The following RNF126 variants were observed in gnomAD, a reference collection of about 807,000 sequenced individuals.
RNF126 encodes ring finger protein 126, also known as E3 ubiquitin-protein ligase RNF126.
In RNF126, 20 loss-of-function variants were observed where a neutral mutation model predicts 41.9. The observed-to-expected ratio is 0.48, with a 90% CI of 0.34 to 0.69. The LOEUF is 0.69. RNF126 is among the 30% of genes least tolerant of loss of function. The pLI is 0.01. For synonymous variants in RNF126, 239 were observed against 202.9 expected (o/e 1.18, Z -1.51); for missense variants, 433 against 460.6 (o/e 0.94, Z 0.55).
chr19:655,696 C>T (rs984774049), intron 1 of RNF126, among the ~76,000 whole-genome samples: 9 of 152,224 alleles, frequency 5.9e-5, no homozygotes, highest in Admixed American at 1.3e-4. Flanking sequence ...TCACTCCAGG[C>T]GCAGACCCCA....
At chr19:649,838 A>G (rs1469018914) in intron 5 of RNF126, 90 bp from the exon 6 acceptor site, 1 of 1,031,670 alleles carries the variant, frequency 9.7e-7, no homozygotes, top group Non-Finnish European at 1.5e-6. Flanking sequence ...CAGGCTGGGG[A>G]TGGGGACAGG....
intron 6 of RNF126, 78 bp downstream of exon 6, chr19:649,601 C>T: frequency 8.3e-7 from 1 of 1,210,116 alleles, no homozygotes; most frequent in Non-Finnish European, 1.2e-6. Flanking sequence ...TTCGTGGGTC[C>T]AGGCAGTGGG....
intron 2 of RNF126, 99 bp downstream of exon 2, chr19:652,727 C>G (rs1481265366): frequency 9.1e-7 from 1 of 1,094,118 alleles, no homozygotes; most frequent in African/African-American, 1.5e-5. Flanking sequence ...GGCCTGACGG[C>G]CCCACACTCG....
chr19:660,608 C>T (rs892358676), intron 1 of RNF126, among the ~76,000 whole-genome samples: 48 of 152,286 alleles, frequency 3.2e-4, no homozygotes, highest in African/African-American at 1.1e-3. Flanking sequence ...CCAGAACAAA[C>T]GCCAGGTGTG....
intron 1 of RNF126, among the ~76,000 whole-genome samples, chr19:662,480 C>A (rs1370624889): frequency 6.6e-6 from 1 of 152,158 alleles, no homozygotes; most frequent in East Asian, 1.9e-4. Context: ...GGGACAGTGC[C>A]TGGGGCGTTC....
In RNF126 at chr19:648,103, T is replaced by A. The variant is rs757744084; in HGVS notation, c.*25A>T. The stretch of plus-strand genomic sequence containing the variant: ...CTGAGGGTGGGTGGGAAAGGCCCCG[T>A]GCTTTCCCGACGGCCGACGTGGGCT... On this transcript the variant is annotated 3_prime_UTR_variant, in exon 9 of 9. Transcript: ENST00000292363. 26 of 1,545,036 alleles carry A rather than the reference T, an allele frequency of 1.7e-5. No homozygotes were observed. Among genetic ancestry groups the A allele is most frequent in the Non-Finnish European group, 2.2e-5 (25 of 1,142,220 alleles).
chr19:647,891 G>A lies in RNF126; in HGVS notation c.*237C>T. 1.5e-6 allele frequency: 1 copy of A among 647,432 alleles called. No homozygotes were observed. The highest frequency in any genetic ancestry group is 2.8e-6 in the Non-Finnish European group (1 of 362,182). 40.1% of individuals were successfully genotyped at this position (647,432 alleles called of 1,614,324 possible). A position where few individuals can be genotyped will look rare whatever the true frequency, so the allele number is the denominator to read the frequency against. ...TTCCACCGCTGAACGTTTAGAGGGT[G>A]AGGTTAGACAGAGGACGGGGAGGCT... On this transcript the variant is annotated 3_prime_UTR_variant, in exon 9 of 9. Coordinates refer to ENST00000292363, the MANE Select transcript of RNF126 (RefSeq NM_194460.3).
intron 1 of RNF126, among the ~76,000 whole-genome samples, chr19:654,568 G>T (rs1039353361): frequency 2.1e-5 from 3 of 140,672 alleles, no homozygotes; most frequent in African/African-American, 8.1e-5. Flanking sequence ...GCTTGAGCCC[G>T]GGAGGCGGAG....
chr19:656,173 A>G (rs2030556181), intron 1 of RNF126, among the ~76,000 whole-genome samples: 1 of 152,070 alleles, frequency 6.6e-6, no homozygotes, highest in Non-Finnish European at 1.5e-5. Flanking sequence ...GGTGAATTAT[A>G]TGGTGTGTGA....
At chr19:651,897 G>A (rs375340680) in intron 3 of RNF126, 42 bp from the exon 4 acceptor site, 19 of 1,560,486 alleles carry the variant, frequency 1.2e-5, no homozygotes, top group East Asian at 4.6e-5. Flanking sequence ...GCTCAGGCCC[G>A]TGCAGTCTGC....
chr19:658,777 G>C (rs572895485), intron 1 of RNF126, among the ~76,000 whole-genome samples: 4 of 152,202 alleles, frequency 2.6e-5, no homozygotes, highest in Non-Finnish European at 5.9e-5. Context: ...CCCAGGCCCC[G>C]AACTCTGCCT....
rs866241374 is a variant in RNF126, at chr19:649,708, C to T, written c.547G>A (p.Ala183Thr). ...HSNPMDYAWG[A>T]NGLDAIITQL... ...GTGATGATGGCATCCAGGCCGTTGG[C>T]CCCCCAGGCGTAGTCCATAGGGTTT... The change falls in exon 6 of 9, where the codon GCC (alanine) becomes ACC (threonine). Residue 183 changes from alanine to threonine, a missense_variant. By Grantham distance (58) the Ala-to-Thr change is moderately conservative (BLOSUM62 0). This residue lies in a region of RNF126 where 97 missense variants were observed against 121.7 expected (regional missense o/e 0.80). Transcript: ENST00000292363. 1.3e-6 allele frequency: 2 copies of T among 1,569,682 alleles called. No homozygotes were observed. Among genetic ancestry groups the T allele is most frequent in the Middle Eastern group, 1.7e-4 (1 of 6,008 alleles).
chr19:655,573 C>A (rs1049650209), intron 1 of RNF126, among the ~76,000 whole-genome samples: 2 of 152,076 alleles, frequency 1.3e-5, no homozygotes, highest in Non-Finnish European at 2.9e-5. Flanking sequence ...CCAGCCCCAG[C>A]GAGATGCCAC....
intron 7 of RNF126, 65 bp from the exon 8 acceptor site, chr19:648,552 C>A: frequency 7.6e-7 from 1 of 1,316,062 alleles, no homozygotes; most frequent in Non-Finnish European, 1.1e-6. Context: ...CAAGGGCAGG[C>A]TACTCCACAG....
Position 648,494 on chromosome 19 carries a change from G to C in RNF126, c.671-7C>G, listed in dbSNP as rs774447925. The C allele has an allele frequency of 1.3e-6, 2 of 1,561,166 alleles. No individual in the cohort carries two copies. The highest frequency in any genetic ancestry group is 1.8e-5 in the Admixed American group (1 of 54,112). On this transcript the variant is annotated splice_polypyrimidine_tract_variant and splice_region_variant and intron_variant, in intron 7 of 8. Transcript: ENST00000292363. ...GGGCACTCGAGCCCGGAGCCTGCGG[G>C]AGTGTGCAGCTGCGGTCACAGCGGG... is the stretch of plus-strand genomic sequence containing the variant.
intron 1 of RNF126, among the ~76,000 whole-genome samples, chr19:655,770 G>A (rs1043376396): frequency 6.6e-6 from 1 of 152,122 alleles, no homozygotes; most frequent in East Asian, 1.9e-4. Context: ...GAGAGTTCAC[G>A]GCAGCACAGT....
chr19:648,351 G>T (rs571947269), intron 8 of RNF126, 21 bp downstream of exon 8: 78,178 of 574,400 alleles, frequency 0.14, 2,203 homozygotes, highest in Non-Finnish European at 0.18. Flanking sequence ...GGGTGGGGGG[G>T]CGGGTGGGCG....
chr19:652,285 T>G lies in RNF126; in HGVS notation c.146A>C (p.Asn49Thr). The G allele has an allele frequency of 6.4e-7, 1 of 1,555,740 alleles. No homozygotes were observed. Among genetic ancestry groups the G allele is most frequent in the Non-Finnish European group, 8.6e-7 (1 of 1,158,522 alleles). Residue 49 changes from asparagine to threonine, a missense_variant, in exon 3 of 9, where the codon AAT (asparagine) becomes ACT (threonine). Asn to Thr is a moderately conservative substitution (Grantham distance 65). This residue lies in a region of RNF126 where 247 missense variants were observed against 224.7 expected (regional missense o/e 1.10). Transcript: ENST00000292363. Reference sequence around the variant, plus strand: ...GGGAGCTGTGGAGGGGGCAGAACCATTTTCTGTGCTCCTGGGGAGAGAGTG... The same window carrying G: ...GGGAGCTGTGGAGGGGGCAGAACCAGTTTCTGTGCTCCTGGGGAGAGAGTG... Reference protein sequence around the residue: ...ELPEETRSTENGSAPSTAPTD... With the variant: ...ELPEETRSTETGSAPSTAPTD...
rs2030701719 is a variant in RNF126 at position 659,446 on chromosome 19, T to G, written c.75+3601A>C. On this transcript the variant is annotated intron_variant, in intron 1 of 8. Coordinates refer to ENST00000292363, the MANE Select transcript of RNF126 (RefSeq NM_194460.3). This position sits in a 1 kb window ranked among gnomAD's most constrained non-coding sequence, Gnocchi z 4.9. ...GGGGACACTGCGGAGGTTGCAGGCG[T>G]TCGGGGGTGGGGGGTCGGCAGGCAG... Among the ~76,000 whole-genome samples, 2 of 152,130 alleles carry G rather than the reference T, an allele frequency of 1.3e-5. No homozygotes were observed.
Sources: allele counts gnomAD v4.1 joint callset (sites outside exome capture counted in the v4.1 genomes callset), GRCh38; gene constraint gnomAD v4.1.1; regional missense constraint gnomAD v4.1.1; non-coding constraint Gnocchi (gnomAD v3.1); transcripts MANE v1.5; gene names NCBI Gene and HGNC (gene_info 2026-07-23, HGNC 2026-07-21).